MYO16: variants seen among roughly 807,000 people sequenced by gnomAD.
The protein encoded by MYO16 is unconventional myosin-XVI.
A neutral mutation model predicts 205.3 loss-of-function variants in MYO16; 94 were observed. The ratio of observed to expected loss-of-function variants is 0.46; its 90% CI spans 0.39 to 0.54. The LOEUF (loss-of-function observed/expected upper bound fraction) is 0.54. Ranked by LOEUF, MYO16 falls within the 20% of genes least tolerant of loss-of-function variation. The pLI is 0.00. For missense variants in MYO16, 2,315 were observed against 2,387.5 expected (o/e 0.97, Z 0.63); for synonymous variants, 988 against 954.0 (o/e 1.04, Z -0.66).
chr13:108,991,760 T>C (rs568146152), intron 20 of MYO16, among the ~76,000 whole-genome samples: 173 of 152,076 alleles, frequency 1.1e-3, no homozygotes, highest in African/African-American at 4.1e-3. Context: ...GTATAGCTAG[T>C]GAGGACCACT....
chr13:108,914,707 A>G (rs943344299), intron 16 of MYO16, among the ~76,000 whole-genome samples: 5 of 151,968 alleles, frequency 3.3e-5, no homozygotes, highest in Non-Finnish European at 5.9e-5. Context: ...CAGTGGTGCT[A>G]TCTTGGCTCA....
At chr13:109,203,977 C>T (rs1880502944) in intron 34 of MYO16, among the ~76,000 whole-genome samples, 3 of 152,162 alleles carry the variant, frequency 2.0e-5, no homozygotes, top group Admixed American at 2.0e-4. Context: ...TATCTTCCTT[C>T]CAGAAAAAAC....
intron 1 of MYO16, among the ~76,000 whole-genome samples, chr13:108,600,283 G>A (rs868758228): frequency 6.6e-5 from 10 of 152,080 alleles, no homozygotes; most frequent in African/African-American, 2.4e-4. Context: ...CTGATCATTG[G>A]CATTGCTTAA....
At chr13:108,577,727 A>G in the MYO16 span, among the ~76,000 whole-genome samples, 2 of 152,246 alleles carry the variant, frequency 1.3e-5, no homozygotes, top group Non-Finnish European at 1.5e-5. Flanking sequence ...TTATAGTCCC[A>G]TTTACATTGT....
chr13:108,574,748 A>G, the MYO16 span, among the ~76,000 whole-genome samples: 1 of 151,636 alleles, frequency 6.6e-6, no homozygotes, highest in African/African-American at 2.4e-5. Flanking sequence ...TGACAGAATA[A>G]GAGATTCTTT....
At chr13:108,722,350 T>A (rs1884194817) in intron 3 of MYO16, among the ~76,000 whole-genome samples, 1 of 152,204 alleles carries the variant, frequency 6.6e-6, no homozygotes, top group Admixed American at 6.5e-5. Context: ...GTAGATTTAC[T>A]ACATAACAAT....
the MYO16 span, among the ~76,000 whole-genome samples, chr13:108,496,405 A>C: frequency 2.6e-5 from 4 of 152,164 alleles, no homozygotes; most frequent in African/African-American, 7.2e-5. Flanking sequence ...AAGAGAGCAG[A>C]ACAAAGATGT....
At chr13:109,023,695 GTATA>G (rs1491381158) in intron 23 of MYO16, among the ~76,000 whole-genome samples, 1 of 113,460 alleles carries the variant, frequency 8.8e-6, no homozygotes, top group Non-Finnish European at 1.8e-5. Context: ...ACATATATAT[GTATA>G]TATGTATATA....
At chr13:108,922,632 G>T (rs1490734896) in intron 16 of MYO16, among the ~76,000 whole-genome samples, 1 of 152,160 alleles carries the variant, frequency 6.6e-6, no homozygotes, top group Non-Finnish European at 1.5e-5. Flanking sequence ...AACTCTTCAG[G>T]TGGAGCCTAT....
intron 23 of MYO16, among the ~76,000 whole-genome samples, chr13:109,023,110 T>C (rs1183378955): frequency 7.6e-6 from 1 of 132,420 alleles, no homozygotes; most frequent in Non-Finnish European, 1.5e-5. Context: ...ATATATTGTA[T>C]ATACATATAA....
intron 9 of MYO16, among the ~76,000 whole-genome samples, chr13:108,839,355 G>A (rs991434442): frequency 6.6e-6 from 1 of 152,004 alleles, no homozygotes; most frequent in Non-Finnish European, 1.5e-5. Context: ...TCAAATCACA[G>A]CAGTATCAAG....
chr13:108,666,343 C>T (rs1362875320), intron 2 of MYO16, among the ~76,000 whole-genome samples, 194 bp downstream of exon 2: 2 of 151,278 alleles, frequency 1.3e-5, no homozygotes, highest in African/African-American at 4.9e-5. Context: ...AGTCCTACCA[C>T]CTAGTAAGAT....
intron 1 of MYO16, among the ~76,000 whole-genome samples, chr13:108,621,480 C>T (rs138748026): frequency 3.0e-4 from 46 of 152,272 alleles, no homozygotes; most frequent in African/African-American, 9.6e-4. Flanking sequence ...CTGTTCCATG[C>T]ATGGAGTAAC....
chr13:108,540,871 G>A, the MYO16 span, among the ~76,000 whole-genome samples: 3 of 152,164 alleles, frequency 2.0e-5, no homozygotes, highest in Non-Finnish European at 4.4e-5. Flanking sequence ...AGCCAAGAAA[G>A]AGAAAGTCCT....
the MYO16 span, among the ~76,000 whole-genome samples, chr13:108,580,643 G>A: frequency 6.6e-6 from 1 of 152,084 alleles, no homozygotes; most frequent in African/African-American, 2.4e-5. Context: ...AGTAAAACTG[G>A]CATATCCATG....
rs80145719 is a variant in MYO16 at position 108,784,704 on chromosome 13, G to A, written c.508-931G>A. 1.9e-3 allele frequency among the ~76,000 whole-genome samples: 296 copies of A among 152,282 alleles called. 3 individuals carry two copies. Among genetic ancestry groups the A allele is most frequent in the African/African-American group, 6.8e-3 (284 of 41,558 alleles). On this transcript the variant is annotated intron_variant, in intron 4 of 34. Transcript: ENST00000457511. The stretch of plus-strand genomic sequence containing the variant: ...AGAACTATGCTAGTATTGCAACACA[G>A]AATACTATTTTGTAAAAGGAACGGG...
chr13:108,769,408 G>C (rs1272451751), intron 4 of MYO16, among the ~76,000 whole-genome samples: 4 of 152,176 alleles, frequency 2.6e-5, no homozygotes, highest in Non-Finnish European at 5.9e-5. Context: ...AGTTCAGAGA[G>C]AGGGTTGGGA....
At chr13:108,585,055 C>G in the MYO16 span, among the ~76,000 whole-genome samples, 37 of 152,188 alleles carry the variant, frequency 2.4e-4, no homozygotes, top group African/African-American at 8.7e-4. Context: ...GGAAGATATT[C>G]TAAGTACTAT....
rs532944605 is a variant in MYO16, at chr13:108,787,251, TACAA to T, written c.616+1512_616+1515del. On this transcript the variant is annotated intron_variant, in intron 5 of 34. Coordinates refer to ENST00000457511, the MANE Select transcript of MYO16 (RefSeq NM_001198950.3). ...GGTGATGGTTTCAGGGATGTATACT[TACAA>T]ACATCAAGCTGTATACAATAAATAT... Among the ~76,000 whole-genome samples, 19 of 152,276 alleles carry T rather than the reference TACAA, an allele frequency of 1.2e-4. No individual in the cohort carries two copies. In the South Asian group the frequency reaches 3.9e-3, roughly 32 times the overall value.
Sources: gnomAD v4.1 joint callset for allele counts (sites outside exome capture counted in the v4.1 genomes callset) on GRCh38, gnomAD v4.1.1 for gene constraint, MANE v1.5 for transcripts, NCBI Gene and HGNC (gene_info 2026-07-23, HGNC 2026-07-21) for gene names.